The following CADM2 variants were observed in gnomAD, a reference collection of about 807,000 sequenced individuals.
CADM2 encodes cell adhesion molecule 2, also known as immunoglobulin superfamily member 4D.
A neutral mutation model predicts 49.8 loss-of-function variants in CADM2; 12 were observed. The ratio of observed to expected loss-of-function variants is 0.24; its 90% CI spans 0.15 to 0.39. The LOEUF (loss-of-function observed/expected upper bound fraction) is 0.39. Among genes scored for constraint, CADM2 ranks in the 10% least tolerant of loss-of-function variants. The pLI, the probability that CADM2 is intolerant of heterozygous loss-of-function variation, is 1.00. For missense variants in CADM2, 378 were observed against 492.3 expected (o/e 0.77, Z 2.20); for synonymous variants, 214 against 175.4 (o/e 1.22, Z -1.74).
intron 8 of CADM2, among the ~76,000 whole-genome samples, chr3:85,977,254 C>G (rs538238516): frequency 7.3e-5 from 11 of 151,410 alleles, no homozygotes; most frequent in African/African-American, 2.7e-4. Flanking sequence ...TTTTGAAAGA[C>G]TACTTTTCTT....
chr3:85,969,808 TATTTAA>T (rs942774668), intron 8 of CADM2, among the ~76,000 whole-genome samples: 1 of 151,240 alleles, frequency 6.6e-6, no homozygotes. Context: ...ATTTATTTAA[TATTTAA>T]ATCTGTTTCT....
At chr3:85,694,343 G>T (rs988380524) in intron 1 of CADM2, among the ~76,000 whole-genome samples, 2 of 152,166 alleles carry the variant, frequency 1.3e-5, no homozygotes, top group Non-Finnish European at 2.9e-5. Flanking sequence ...TTCCTTGTAA[G>T]AGGAAGGGAC....
intron 1 of CADM2, among the ~76,000 whole-genome samples, chr3:85,672,596 G>T (rs967421918): frequency 1.3e-5 from 2 of 151,732 alleles, no homozygotes; most frequent in South Asian, 4.2e-4. Context: ...ATACTCTTTT[G>T]GAAGAGAAAA....
chr3:85,470,028 A>G (rs1005888077), intron 1 of CADM2, among the ~76,000 whole-genome samples: 1 of 152,162 alleles, frequency 6.6e-6, no homozygotes, highest in East Asian at 1.9e-4. Flanking sequence ...CTCAATCCTC[A>G]ATACTGGAGA....
At position 84,999,071 on chromosome 3, in the gene CADM2, C is replaced by T. The variant is rs75709557; in HGVS notation, c.61+39403C>T. ...AAATTACAGTAAGAATACCAAGCCA[C>T]AAGCTATTTCTTTGTGAAGCTAATT... On this transcript the variant is annotated intron_variant, in intron 1 of 9. Transcript: ENST00000383699. Among the ~76,000 whole-genome samples the T allele has an allele frequency of 6.3e-3, 963 of 152,236 alleles. 14 individuals carry two copies. The highest frequency in any genetic ancestry group is 0.022 in the African/African-American group (921 of 41,548).
At chr3:85,203,843 T>G (rs1358731214) in intron 1 of CADM2, among the ~76,000 whole-genome samples, 1 of 152,192 alleles carries the variant, frequency 6.6e-6, no homozygotes, top group African/African-American at 2.4e-5. Context: ...ATATCATTCC[T>G]CCTATGTAAT....
intron 2 of CADM2, among the ~76,000 whole-genome samples, chr3:85,798,940 A>AT (rs1173924348): frequency 4.0e-5 from 6 of 151,896 alleles, no homozygotes; most frequent in Non-Finnish European, 8.8e-5. Flanking sequence ...GTCCCCTCTT[A>AT]TTTTTTTGAG....
intron 1 of CADM2, among the ~76,000 whole-genome samples, chr3:85,423,540 C>T (rs2036269145): frequency 6.6e-6 from 1 of 152,120 alleles, no homozygotes; most frequent in South Asian, 2.1e-4. Context: ...CTAGATTCAC[C>T]TCTGAAGCTA....
chr3:85,364,205 GTATC>G (rs1341482807), intron 1 of CADM2, among the ~76,000 whole-genome samples: 1 of 152,072 alleles, frequency 6.6e-6, no homozygotes, highest in Non-Finnish European at 1.5e-5. Context: ...GTTTTTAAGA[GTATC>G]TACTCCACAG....
chr3:85,463,051 A>C (rs1228986868), intron 1 of CADM2, among the ~76,000 whole-genome samples: 6 of 152,158 alleles, frequency 3.9e-5, no homozygotes, highest in Admixed American at 2.0e-4. Context: ...TGTTTGGAGC[A>C]TTAAATTATT....
chr3:85,639,178 A>T (rs1488653235), intron 1 of CADM2, among the ~76,000 whole-genome samples: 2 of 152,232 alleles, frequency 1.3e-5, no homozygotes, highest in Non-Finnish European at 2.9e-5. Flanking sequence ...TTAAAACATT[A>T]CAATGATTAA....
intron 1 of CADM2, among the ~76,000 whole-genome samples, chr3:85,147,906 TATA>T (rs2039802427): frequency 6.6e-6 from 1 of 152,188 alleles, no homozygotes; most frequent in Non-Finnish European, 1.5e-5. Flanking sequence ...AAGTACAAAT[TATA>T]ATATGTATGT....
chr3:85,579,320 CTCTT>C (rs1237817055), intron 1 of CADM2, among the ~76,000 whole-genome samples: 1 of 152,090 alleles, frequency 6.6e-6, no homozygotes, highest in African/African-American at 2.4e-5. Context: ...TACTCTAGGA[CTCTT>C]TCTTTATTCC....
intron 7 of CADM2, among the ~76,000 whole-genome samples, chr3:85,944,025 C>T (rs748318827): frequency 1.3e-5 from 2 of 151,936 alleles, no homozygotes; most frequent in Non-Finnish European, 2.9e-5. Flanking sequence ...ATTCAGGAAA[C>T]CCATCTCACC....
At chr3:85,641,490 G>C (rs1165895279) in intron 1 of CADM2, among the ~76,000 whole-genome samples, 1 of 152,094 alleles carries the variant, frequency 6.6e-6, no homozygotes, top group Non-Finnish European at 1.5e-5. Flanking sequence ...CTAAGTTCTT[G>C]GTCTTGATAG....
chr3:85,916,858 G>C (rs576358407), intron 6 of CADM2, among the ~76,000 whole-genome samples: 1 of 151,962 alleles, frequency 6.6e-6, no homozygotes, highest in African/African-American at 2.4e-5. Flanking sequence ...TTTAATGATC[G>C]CCATTCTAAC....
At chr3:85,493,781 C>T (rs984566462) in intron 1 of CADM2, among the ~76,000 whole-genome samples, 4 of 152,068 alleles carry the variant, frequency 2.6e-5, no homozygotes, top group Non-Finnish European at 5.9e-5. Flanking sequence ...ATTTAGGTCT[C>T]TTGTCAGCTC....
At chr3:85,801,534 T>C (rs913874991) in intron 2 of CADM2, among the ~76,000 whole-genome samples, 9 of 152,140 alleles carry the variant, frequency 5.9e-5, no homozygotes, top group Non-Finnish European at 1.3e-4. Flanking sequence ...CAAGAAAACC[T>C]AGTTAAGTGG....
intron 1 of CADM2, among the ~76,000 whole-genome samples, chr3:85,163,760 C>A (rs556760703): frequency 2.0e-4 from 31 of 152,122 alleles, no homozygotes; most frequent in African/African-American, 6.3e-4. Flanking sequence ...TATTAAAAAA[C>A]CTTGATTGAG....
Sources: gnomAD v4.1 joint callset for allele counts (sites outside exome capture counted in the v4.1 genomes callset) on GRCh38, gnomAD v4.1.1 for gene constraint, MANE v1.5 for transcripts, NCBI Gene and HGNC (gene_info 2026-07-23, HGNC 2026-07-21) for gene names.